The following ZBTB49 variants were observed in gnomAD, a reference collection of about 807,000 sequenced individuals.
ZBTB49 encodes the protein zinc finger and BTB domain containing 49, also known as zinc finger and BTB domain-containing protein 49.
A neutral mutation model predicts 57.5 loss-of-function variants in ZBTB49; 43 were observed. The ratio of observed to expected loss-of-function variants is 0.75; its 90% CI spans 0.59 to 0.97. ZBTB49 has a LOEUF of 0.97. ZBTB49 is among the 50% of genes least tolerant of loss of function. The pLI, the probability that ZBTB49 is intolerant of heterozygous loss-of-function variation, is 0.00. For synonymous variants in ZBTB49, 369 were observed against 362.1 expected (o/e 1.02, Z -0.22); for missense variants, 938 against 947.7 (o/e 0.99, Z 0.13).
intron 1 of ZBTB49, among the ~76,000 whole-genome samples, chr4:4,293,148 A>G (rs921882544): frequency 3.3e-5 from 5 of 152,232 alleles, no homozygotes; most frequent in African/African-American, 1.2e-4. Context: ...TTGAGTGCCT[A>G]TTATGTCAAA....
Position 4,321,191 on chromosome 4 carries a change from G to A in ZBTB49, c.2173G>A (p.Asp725Asn). 6.2e-7 allele frequency: 1 copy of A among 1,614,192 alleles called. No homozygotes were observed. Among genetic ancestry groups the A allele is most frequent in the East Asian group, 2.2e-5 (1 of 44,882 alleles). Residue 725 changes from aspartate (D) to asparagine (N), a missense_variant, in exon 8 of 8, where the codon GAC becomes AAC. By Grantham distance (23) the Asp-to-Asn change is conservative. Around this residue, in one of 3 missense-constraint regions of ZBTB49, gnomAD observed 835 missense variants for 819.1 expected, o/e 1.02. Transcript: ENST00000337872. Reference protein sequence around the residue: ...SLAALDNHGGDPLGSRASSTT... With the variant: ...SLAALDNHGGNPLGSRASSTT... ...GGCTGCTTTGGACAACCACGGCGGT[G>A]ACCCCCTGGGCAGTCGAGCATCTTC...
chr4:4,306,230 CAG>C, intron 4 of ZBTB49, 46 bp downstream of exon 4: 2 of 1,527,962 alleles, frequency 1.3e-6, no homozygotes, highest in African/African-American at 1.4e-5. Context: ...ACCTGCAACA[CAG>C]TGTTTTTTTA....
intron 1 of ZBTB49, among the ~76,000 whole-genome samples, chr4:4,291,322 G>A (rs1246933809): frequency 6.6e-6 from 1 of 152,186 alleles, no homozygotes; most frequent in African/African-American, 2.4e-5. Context: ...GTCCTCGCAT[G>A]GTCTTTCCTC....
rs752283235 is a variant in ZBTB49 at position 4,315,722 on chromosome 4, C to T, written c.1459+4C>T. 21 of 1,613,260 alleles carry T rather than the reference C, an allele frequency of 1.3e-5. No individual in the cohort carries two copies. The highest frequency in any genetic ancestry group is 1.8e-5 in the Non-Finnish European group (21 of 1,180,018). The stretch of plus-strand genomic sequence containing the variant: ...TTGTGTGACATCTGTGGTCGAGGTA[C>T]AGCTGAGTGTTTTCCTATTCTTCTT... On this transcript the variant is annotated splice_donor_region_variant and intron_variant, in intron 6 of 7. Coordinates refer to ENST00000337872, the MANE Select transcript of ZBTB49 (RefSeq NM_145291.4).
At chr4:4,299,093 A>C (rs979887239) in intron 1 of ZBTB49, among the ~76,000 whole-genome samples, 1 of 152,220 alleles carries the variant, frequency 6.6e-6, no homozygotes, top group African/African-American at 2.4e-5. Flanking sequence ...GTCAGGGTTC[A>C]TAACAAGTCC....
intron 7 of ZBTB49, 126 bp downstream of exon 7, chr4:4,316,096 C>G: frequency 1.6e-6 from 2 of 1,226,376 alleles, no homozygotes; most frequent in Non-Finnish European, 2.3e-6. Flanking sequence ...TTTATTGCCT[C>G]ACATGATCTC....
At chr4:4,317,385 G>C (rs570632887) in intron 7 of ZBTB49, among the ~76,000 whole-genome samples, 47 of 152,246 alleles carry the variant, frequency 3.1e-4, no homozygotes, top group Middle Eastern at 3.4e-3. Context: ...ACAATTCATT[G>C]GTTTTTGGTA....
intron 7 of ZBTB49, among the ~76,000 whole-genome samples, chr4:4,317,882 GC>G (rs1448165239): frequency 2.6e-5 from 4 of 152,162 alleles, no homozygotes; most frequent in African/African-American, 9.7e-5. Context: ...CGTTCAGCTG[GC>G]GTCTTTCCTG....
intron 4 of ZBTB49, among the ~76,000 whole-genome samples, chr4:4,310,794 C>T (rs113413204): frequency 0.064 from 9,656 of 151,822 alleles, 814 homozygotes; most frequent in East Asian, 0.33. Context: ...GCTGGGATTA[C>T]GGGCATGAGC....
In ZBTB49 at chr4:4,317,581, C is replaced by T. The variant is rs577406392; in HGVS notation, c.1621+1611C>T. Among the ~76,000 whole-genome samples the T allele has an allele frequency of 2.4e-3, 369 of 152,208 alleles. 1 individual carries two copies. Among genetic ancestry groups the T allele is most frequent in the Non-Finnish European group, 2.7e-3 (186 of 68,014 alleles). On this transcript the variant is annotated intron_variant, in intron 7 of 7. Transcript: ENST00000337872. Reference sequence around the variant, plus strand: ...TTACTATGCATGGACTCATACAACACGGGGTATTTTGTAGTCGACTTCTTG... The same window carrying T: ...TTACTATGCATGGACTCATACAACATGGGGTATTTTGTAGTCGACTTCTTG...
At chr4:4,295,220 G>C (rs1353695108) in intron 1 of ZBTB49, among the ~76,000 whole-genome samples, 2 of 152,130 alleles carry the variant, frequency 1.3e-5, no homozygotes, top group Admixed American at 1.3e-4. Context: ...TTGCTGAGGA[G>C]GCCTTGGGAA....
At chr4:4,314,613 A>G (rs898302778) in intron 5 of ZBTB49, among the ~76,000 whole-genome samples, 3 of 152,056 alleles carry the variant, frequency 2.0e-5, no homozygotes, top group African/African-American at 7.2e-5. Context: ...CTCAGGTGAT[A>G]CACCCGCCTC....
chr4:4,309,038 A>G (rs1720865171), intron 4 of ZBTB49, among the ~76,000 whole-genome samples: 1 of 152,242 alleles, frequency 6.6e-6, no homozygotes, highest in Non-Finnish European at 1.5e-5. Flanking sequence ...CCTCCACCGT[A>G]TGCCTAACAT....
intron 1 of ZBTB49, among the ~76,000 whole-genome samples, chr4:4,296,043 A>G (rs1343355182): frequency 6.6e-6 from 1 of 152,128 alleles, no homozygotes; most frequent in Non-Finnish European, 1.5e-5. Flanking sequence ...GGAGAGGGCT[A>G]TGGTGCTGCA....
At chr4:4,299,565 A>G (rs1269919283) in intron 1 of ZBTB49, among the ~76,000 whole-genome samples, 3 of 152,188 alleles carry the variant, frequency 2.0e-5, no homozygotes, top group East Asian at 1.9e-4. Flanking sequence ...AGTACATACA[A>G]TATTAACATG....
intron 4 of ZBTB49, among the ~76,000 whole-genome samples, chr4:4,310,231 T>C (rs1047810547): frequency 2.0e-5 from 3 of 152,214 alleles, no homozygotes; most frequent in African/African-American, 7.2e-5. Context: ...TTAGAAAGGA[T>C]CAAAGTTCCT....
intron 1 of ZBTB49, among the ~76,000 whole-genome samples, chr4:4,295,235 A>C (rs1044023227): frequency 1.3e-5 from 2 of 152,220 alleles, no homozygotes; most frequent in Non-Finnish European, 2.9e-5. Flanking sequence ...TGGGAAACTT[A>C]AAATCATGGC....
At chr4:4,313,354 G>A (rs1469046423) in intron 5 of ZBTB49, among the ~76,000 whole-genome samples, 1 of 152,130 alleles carries the variant, frequency 6.6e-6, no homozygotes, top group African/African-American at 2.4e-5. Flanking sequence ...AAAGGAAATG[G>A]GGTTTTAAAT....
In ZBTB49 at chr4:4,302,072, T is replaced by C. The variant is rs752381346; in HGVS notation, c.236T>C (p.Leu79Pro). The C allele has an allele frequency of 3.1e-6, 5 of 1,613,658 alleles. No homozygotes were observed. In the South Asian group the frequency reaches 5.5e-5, roughly 18 times the overall value. Residue 79 changes from leucine to proline, a missense_variant, in exon 3 of 8, where the codon CTG becomes CCG. This residue lies in a region of ZBTB49 where 100 missense variants were observed against 112.5 expected (regional missense o/e 0.89). Transcript: ENST00000337872. ...VKNVSGIGQI[L>P]DFMYTSHLDL... ...AATGTCAGTGGCATAGGGCAGATCCTGGACTTCATGTACACTTCTCATCTA... is the reference window on the plus strand; with the variant it reads ...AATGTCAGTGGCATAGGGCAGATCCCGGACTTCATGTACACTTCTCATCTA...
Sources: allele counts gnomAD v4.1 joint callset (sites outside exome capture counted in the v4.1 genomes callset), GRCh38; gene constraint gnomAD v4.1.1; regional missense constraint gnomAD v4.1.1; transcripts MANE v1.5; gene names NCBI Gene and HGNC (gene_info 2026-07-23, HGNC 2026-07-21).